The following SUCLA2 variants were observed in gnomAD, a reference collection of about 807,000 sequenced individuals.
SUCLA2 encodes the protein succinate-CoA ligase ADP-forming subunit beta, also known as succinate--CoA ligase [ADP-forming] subunit beta, mitochondrial.
A neutral mutation model predicts 54.8 loss-of-function variants in SUCLA2; 30 were observed. The observed-to-expected ratio is 0.55, with a 90% CI of 0.41 to 0.74. The LOEUF is 0.74. Ranked by LOEUF, SUCLA2 falls within the 30% of genes least tolerant of loss-of-function variation. SUCLA2 has a pLI of 0.00. For missense variants in SUCLA2, 476 were observed against 562.9 expected (o/e 0.85, Z 1.56); for synonymous variants, 172 against 188.9 (o/e 0.91, Z 0.74).
chr13:47,978,635 A>C (rs149536430), intron 4 of SUCLA2, among the ~76,000 whole-genome samples: 4,309 of 152,320 alleles, frequency 0.028, 95 homozygotes, highest in South Asian at 0.082. Context: ...AAAACACCAA[A>C]AGCAATGGCA....
chr13:47,997,802 T>C (rs928084524), intron 1 of SUCLA2, among the ~76,000 whole-genome samples: 1 of 152,222 alleles, frequency 6.6e-6, no homozygotes, highest in African/African-American at 2.4e-5. Flanking sequence ...AAAGAGGTCA[T>C]AGAAACAATC....
At chr13:47,943,658 CT>C (rs1170611787) in intron 10 of SUCLA2, among the ~76,000 whole-genome samples, 1 of 151,452 alleles carries the variant, frequency 6.6e-6, no homozygotes, top group African/African-American at 2.4e-5. Context: ...TAAATACTTT[CT>C]GATTAAGATG....
intron 2 of SUCLA2, among the ~76,000 whole-genome samples, chr13:47,992,388 C>CA (rs35103136): frequency 0.02 from 1,882 of 92,928 alleles, 19 homozygotes; most frequent in East Asian, 0.079. Flanking sequence ...ACAACGAAAG[C>CA]AAAAAAAAAA....
intron 6 of SUCLA2, among the ~76,000 whole-genome samples, 188 bp downstream of exon 6, chr13:47,968,407 A>C (rs1166535316): frequency 5.9e-5 from 9 of 152,050 alleles, no homozygotes; most frequent in Admixed American, 5.2e-4. Context: ...TGTTTGTTTA[A>C]TGGGTCTAAT....
At chr13:47,975,987 C>G (rs114020496) in intron 4 of SUCLA2, among the ~76,000 whole-genome samples, 194 of 152,340 alleles carry the variant, frequency 1.3e-3, no homozygotes, top group African/African-American at 4.3e-3. Flanking sequence ...TGGCTCACAT[C>G]TGTAATCCTA....
rs4942724 is a variant in SUCLA2, at chr13:47,973,035, A to C, written c.663+229T>G. Among the ~76,000 whole-genome samples, 142,205 of 152,008 alleles carry C rather than the reference A, an allele frequency of 0.94. 66,543 individuals are homozygous for C. The highest frequency in any genetic ancestry group is 1 in the East Asian group (5,121 of 5,138). On this transcript the variant is annotated intron_variant, in intron 5 of 10. Transcript: ENST00000646932. ...AAAGTGCTGGGATTACAGGCGTGAGACACCGTGCCCGGCCAGTGACTCTTT... is the reference window on the plus strand; with the variant it reads ...AAAGTGCTGGGATTACAGGCGTGAGCCACCGTGCCCGGCCAGTGACTCTTT...
rs766202433 is a variant in SUCLA2, at chr13:48,001,139, C to T, written c.90+41G>A. The T allele has an allele frequency of 2.5e-6, 4 of 1,577,900 alleles. No individual in the cohort carries two copies. The African/African-American group carries it at 4.0e-5, about 16-fold the overall frequency. ...GGACCCCTCACACCTCACCCTTTCT[C>T]CTGCCGACCCTCGAGACGACAGCGG... On this transcript the variant is annotated intron_variant, in intron 1 of 10. Transcript: ENST00000646932.
At chr13:47,991,609 G>A (rs1950149579) in intron 2 of SUCLA2, 1 of 152,168 alleles carries the variant, frequency 6.6e-6, no homozygotes, top group Non-Finnish European at 1.5e-5. Flanking sequence ...AGGCCCAGGA[G>A]GGCAGAATCT....
rs1950125547 is a variant in SUCLA2, at chr13:47,988,717, A to C, written c.372-14T>G. On this transcript the variant is annotated splice_polypyrimidine_tract_variant and intron_variant, in intron 3 of 10. Coordinates refer to ENST00000646932, the MANE Select transcript of SUCLA2 (RefSeq NM_003850.3). Reference sequence around the variant, plus strand: ...GCTTCTTCTGGACTAAAATAAGAAAAAGAACTCAAATTTTTCTTTCCTCCA... The same window carrying C: ...GCTTCTTCTGGACTAAAATAAGAAACAGAACTCAAATTTTTCTTTCCTCCA... 6.2e-7 allele frequency: 1 copy of C among 1,613,198 alleles called. No individual in the cohort carries two copies. Among genetic ancestry groups the C allele is most frequent in the Non-Finnish European group, 8.5e-7 (1 of 1,179,772 alleles).
intron 6 of SUCLA2, among the ~76,000 whole-genome samples, chr13:47,958,850 T>G (rs1949843243): frequency 6.6e-6 from 1 of 152,232 alleles, no homozygotes; most frequent in South Asian, 2.1e-4. Context: ...AATATATGTT[T>G]TCAGAAGTAA....
intron 4 of SUCLA2, chr13:47,987,718 AT>A (rs1442573863): frequency 4.6e-5 from 7 of 152,160 alleles, no homozygotes; most frequent in Non-Finnish European, 8.8e-5. Flanking sequence ...GTTGTTCTAC[AT>A]AAGAAAATTA....
At position 47,988,577 on chromosome 13, in the gene SUCLA2, T is replaced by C; in HGVS notation, c.498A>G (p.Glu166=). 6.2e-7 allele frequency: 1 copy of C among 1,613,966 alleles called. No homozygotes were observed. Among genetic ancestry groups the C allele is most frequent in the Non-Finnish European group, 8.5e-7 (1 of 1,179,942 alleles). ...TTTCCATTGTTATTGCAAAGTAGTA[T>C]TCTCTCCTGGGATATTTTCGCTCAC... ...LVCERKYPRR[E]YYFAITMERS... The change falls in exon 4 of 11, where the codon GAA becomes GAG. Residue 166 remains glutamate, a synonymous_variant. Coordinates refer to ENST00000646932, the MANE Select transcript of SUCLA2 (RefSeq NM_003850.3).
intron 4 of SUCLA2, among the ~76,000 whole-genome samples, chr13:47,974,952 A>C (rs1488142080): frequency 6.6e-6 from 1 of 152,170 alleles, no homozygotes; most frequent in African/African-American, 2.4e-5. Context: ...TTATTTTTTA[A>C]CATAAAGTGC....
intron 2 of SUCLA2, chr13:47,991,696 G>A (rs1950150346): frequency 1.3e-5 from 2 of 152,090 alleles, no homozygotes; most frequent in South Asian, 4.1e-4. Flanking sequence ...TTGAAAAAAA[G>A]GAACATTTAA....
At chr13:47,949,687 T>C in intron 8 of SUCLA2, 84 bp from the exon 9 acceptor site, 2 of 1,362,708 alleles carry the variant, frequency 1.5e-6, no homozygotes, top group Non-Finnish European at 2.1e-6. Context: ...ATGTGCTTCA[T>C]GATAAACATT....
At chr13:47,966,328 T>C (rs1207024997) in intron 6 of SUCLA2, among the ~76,000 whole-genome samples, 1 of 152,066 alleles carries the variant, frequency 6.6e-6, no homozygotes, top group Non-Finnish European at 1.5e-5. Flanking sequence ...TAAGGAATGA[T>C]TTAGTTCAGC....
In SUCLA2 at chr13:47,996,738, T is replaced by C; in HGVS notation, c.271+105A>G. Reference sequence around the variant, plus strand: ...TTCTATTTTAAGCAAAGAAAATGTATTTTTTTTAAAAAAAAGCTAAAAGTT... The same window carrying C: ...TTCTATTTTAAGCAAAGAAAATGTACTTTTTTTAAAAAAAAGCTAAAAGTT... On this transcript the variant is annotated intron_variant, in intron 2 of 10. Transcript: ENST00000646932. The C allele has an allele frequency of 4.0e-6, 4 of 999,830 alleles. No individual in the cohort carries two copies. The South Asian group carries it at 6.5e-5, about 16-fold the overall frequency. The allele number at this position is 999,830 out of a possible 1,614,324, so 61.9% of individuals were successfully genotyped here. A position where few individuals can be genotyped will look rare whatever the true frequency, so the allele number is the denominator to read the frequency against.
chr13:47,954,942 T>TGCCTCCCCC (rs1949807793), intron 6 of SUCLA2, among the ~76,000 whole-genome samples: 1 of 152,086 alleles, frequency 6.6e-6, no homozygotes, highest in African/African-American at 2.4e-5. Context: ...CTGTCTCCCC[T>TGCCTCCCCC]ACATTATAAA....
chr13:47,964,488 T>G (rs895782838), intron 6 of SUCLA2, among the ~76,000 whole-genome samples: 6 of 152,146 alleles, frequency 3.9e-5, no homozygotes, highest in Non-Finnish European at 8.8e-5. Flanking sequence ...TGTTGAAAAC[T>G]AAGTAAAATA....
Sources: gnomAD v4.1 joint callset for allele counts (sites outside exome capture counted in the v4.1 genomes callset) on GRCh38, gnomAD v4.1.1 for gene constraint, MANE v1.5 for transcripts, NCBI Gene and HGNC (gene_info 2026-07-23, HGNC 2026-07-21) for gene names.